Variants in VARS1 observed in about 807,000 individuals in gnomAD.
The protein encoded by VARS1 is valyl-tRNA synthetase 1, also known as valine--tRNA ligase.
Under a neutral mutation model 161.0 loss-of-function variants are expected in VARS1, and 92 were observed. The observed-to-expected ratio is 0.57, with a 90% CI of 0.48 to 0.68. The LOEUF is 0.68. Among genes scored for constraint, VARS1 ranks in the 30% least tolerant of loss-of-function variants. VARS1 has a pLI of 0.00. For missense variants in VARS1, 1,338 were observed against 1,695.9 expected, an observed-to-expected ratio of 0.79 and a Z score of 3.71; for synonymous variants, 595 against 682.5, an observed-to-expected ratio of 0.87 and a Z score of 2.00.
At chr6:31,787,834 C>T (rs1210730626) in intron 8 of VARS1, among the ~76,000 whole-genome samples, 6 of 151,020 alleles carry the variant, frequency 4.0e-5, no homozygotes, top group South Asian at 2.1e-4. Context: ...AATTGAAAAA[C>T]AGGGCCGGGC....
Position 31,793,051 on chromosome 6 carries a change from C to A in VARS1, c.457G>T (p.Ala153Ser), listed in dbSNP as rs1302004923. 1.2e-6 allele frequency: 2 copies of A among 1,613,044 alleles called. No individual in the cohort carries two copies. Among genetic ancestry groups the A allele is most frequent in the East Asian group, 4.5e-5 (2 of 44,866 alleles). ...EEWLRLHTYL[A>S]GEAPTLADLA... ...TCAGCCAGAGTGGGGGCCTCCCCGG[C>A]CAAGTAGGTGTGCAGCCGAAGCCAC... Residue 153 changes from alanine to serine, a missense_variant, in exon 3 of 30, where the codon GCC (alanine) becomes TCC (serine). Coordinates refer to ENST00000375663, the MANE Select transcript of VARS1 (RefSeq NM_006295.3).
rs777369063 is a variant in VARS1, at chr6:31,785,293, GCTT to G, written c.1297_1299del (p.Lys433del). ...CGATCCCAGTCCAAGGAGCTGCCAA[GCTT>G]CTTCAACTGGTGGTAAATCCGGTCA... On this transcript the variant is annotated inframe_deletion, in exon 10 of 30. Transcript: ENST00000375663. The surrounding 1 kb of genome is among the most constrained non-coding windows in gnomAD (Gnocchi z 6.1). The G allele has an allele frequency of 1.9e-6, 3 of 1,612,980 alleles. No homozygotes were observed. The highest frequency in any genetic ancestry group is 2.5e-6 in the Non-Finnish European group (3 of 1,180,040).
chr6:31,792,340 C>T, intron 5 of VARS1, 39 bp from the exon 6 acceptor site: 2 of 1,613,934 alleles, frequency 1.2e-6, no homozygotes, highest in Non-Finnish European at 1.7e-6. Flanking sequence ...AGGCATCAGC[C>T]AACCCATCAC....
chr6:31,791,952 G>A lies in VARS1; in HGVS notation c.891C>T (p.Pro297=), dbSNP rs577647216. ...GEKKDVSGPM[P]DSYSPRYVEA... Reference sequence around the variant, plus strand: ...CCACATACCGAGGGCTGTAGGAGTCGGGCATGGGGCCACTGACATCTGGGG... The same window carrying A: ...CCACATACCGAGGGCTGTAGGAGTCAGGCATGGGGCCACTGACATCTGGGG... The change falls in exon 7 of 30, where the codon CCC becomes CCT. Residue 297 remains proline, a synonymous_variant. Coordinates refer to ENST00000375663, the MANE Select transcript of VARS1 (RefSeq NM_006295.3). This position sits in a 1 kb window ranked among gnomAD's most constrained non-coding sequence, Gnocchi z 5.0. 1.4e-5 allele frequency: 22 copies of A among 1,595,972 alleles called. No individual in the cohort carries two copies. The Admixed American group carries it at 2.4e-4, about 17-fold the overall frequency.
Position 31,779,276 on chromosome 6 carries a change from C to G in VARS1, c.3417G>C (p.Ala1139=). ...RIRPDCFLEV[A]DEATGALASA... is the part of the protein sequence containing the mutation. ...ATGCCAGGGCGCCCGTGGCCTCATC[C>G]GCCACTTCCAGGAAACCTGCCAGGG... Residue 1139 remains alanine, a synonymous_variant, in exon 29 of 30, where the codon GCG becomes GCC. Coordinates refer to ENST00000375663, the MANE Select transcript of VARS1 (RefSeq NM_006295.3). This position sits in a 1 kb window ranked among gnomAD's most constrained non-coding sequence, Gnocchi z 9.1. The G allele has an allele frequency of 6.2e-7, 1 of 1,603,170 alleles. No homozygotes were observed. The highest frequency in any genetic ancestry group is 8.5e-7 in the Non-Finnish European group (1 of 1,179,618).
At chr6:31,793,286 G>A (rs9469054) in intron 2 of VARS1, among the ~76,000 whole-genome samples, 166 bp from the exon 3 acceptor site, 5,417 of 152,138 alleles carry the variant, frequency 0.036, 148 homozygotes, top group East Asian at 0.11. Context: ...GGCGGATCAC[G>A]AGGTCAGGAG....
Position 31,777,580 on chromosome 6 carries a change from A to C in VARS1, c.*14T>G, listed in dbSNP as rs1403523858. 1.2e-6 allele frequency: 2 copies of C among 1,613,922 alleles called. No individual in the cohort carries two copies. The highest frequency in any genetic ancestry group is 1.7e-6 in the Non-Finnish European group (2 of 1,179,976). Reference sequence around the variant, plus strand: ...GTGAGCCGCTGGGGGTGAGGGGTGAAGCTGGGTGGTGGATCACAGCATCTT... The same window carrying C: ...GTGAGCCGCTGGGGGTGAGGGGTGACGCTGGGTGGTGGATCACAGCATCTT... On this transcript the variant is annotated 3_prime_UTR_variant, in exon 30 of 30. Transcript: ENST00000375663. This position sits in a 1 kb window ranked among gnomAD's most constrained non-coding sequence, Gnocchi z 5.8.
Position 31,785,491 on chromosome 6 carries a change from G to C in VARS1, c.1265+78C>G. On this transcript the variant is annotated intron_variant, in intron 9 of 29. Transcript: ENST00000375663. This position sits in a 1 kb window ranked among gnomAD's most constrained non-coding sequence, Gnocchi z 6.1. ...GAGGGTCTGACCCTGTGGCCAAGGG[G>C]TTACAGGTGACAGAGGTCTTCTGGA... 6.5e-7 allele frequency: 1 copy of C among 1,527,380 alleles called. No individual in the cohort carries two copies. The highest frequency in any genetic ancestry group is 1.4e-5 in the African/African-American group (1 of 73,296). 94.6% of individuals were successfully genotyped at this position (1,527,380 alleles called of 1,614,324 possible).
At chr6:31,794,685 A>G in intron 2 of VARS1, 146 bp downstream of exon 2, 1 of 1,171,860 alleles carries the variant, frequency 8.5e-7, no homozygotes, top group Non-Finnish European at 1.2e-6. Context: ...AAACGTGCCC[A>G]GGGTTACCAT....
chr6:31,791,955 C>A lies in VARS1; in HGVS notation c.888G>T (p.Met296Ile). The change falls in exon 7 of 30, where the codon ATG becomes ATT. Residue 296 changes from methionine (M) to isoleucine (I), a missense_variant. Around this residue, in one of 3 missense-constraint regions of VARS1, gnomAD observed 902 missense variants for 1,090.3 expected, o/e 0.83. Coordinates refer to ENST00000375663, the MANE Select transcript of VARS1 (RefSeq NM_006295.3). The surrounding 1 kb of genome is among the most constrained non-coding windows in gnomAD (Gnocchi z 5.0). ...PGEKKDVSGP[M>I]PDSYSPRYVE... ...CATACCGAGGGCTGTAGGAGTCGGG[C>A]ATGGGGCCACTGACATCTGGGGGAG... 6.3e-7 allele frequency: 1 copy of A among 1,595,224 alleles called. No homozygotes were observed. The highest frequency in any genetic ancestry group is 8.5e-7 in the Non-Finnish European group (1 of 1,169,590).
In VARS1 at chr6:31,792,808, G is replaced by C. The variant is rs1581661483; in HGVS notation, c.610C>G (p.Leu204Val). The C allele has an allele frequency of 6.2e-7, 1 of 1,614,206 alleles. No individual in the cohort carries two copies. The highest frequency in any genetic ancestry group is 8.5e-7 in the Non-Finnish European group (1 of 1,180,042). ...CCTGAGTATAGAACCACTTCTCCTA[G>C]CACGGCTCGGAATTCTGGCTGCCGG... ...CVRQPEFRAV[L>V]GEVVLYSGAR... Residue 204 changes from leucine to valine, a missense_variant, in exon 4 of 30, where the codon CTA becomes GTA. This residue lies in a region of VARS1 where 902 missense variants were observed against 1,090.3 expected (regional missense o/e 0.83). Transcript: ENST00000375663.
Position 31,785,267 on chromosome 6 carries a change from T to C in VARS1, c.1326A>G (p.Arg442=), listed in dbSNP as rs2151424918. ...KKLGSSLDWD[R]ACFTMDPKLS... The stretch of plus-strand genomic sequence containing the variant: ...GCACAGGGTCCATGGTGAAACAGGC[T>C]CGATCCCAGTCCAAGGAGCTGCCAA... The change falls in exon 10 of 30, where the codon CGA becomes CGG. Residue 442 remains arginine (R), a synonymous_variant. Coordinates refer to ENST00000375663, the MANE Select transcript of VARS1 (RefSeq NM_006295.3). This position sits in a 1 kb window ranked among gnomAD's most constrained non-coding sequence, Gnocchi z 6.1. The C allele has an allele frequency of 6.2e-7, 1 of 1,613,024 alleles. No individual in the cohort carries two copies. Among genetic ancestry groups the C allele is most frequent in the East Asian group, 2.2e-5 (1 of 44,876 alleles).
intron 13 of VARS1, 61 bp from the exon 14 acceptor site, chr6:31,783,247 G>T: frequency 6.4e-7 from 1 of 1,554,702 alleles, no homozygotes; most frequent in Non-Finnish European, 8.8e-7. Flanking sequence ...ATTCCCACCT[G>T]TAATCCCAGA....
Position 31,780,063 on chromosome 6 carries a change from C to T in VARS1, c.3016G>A (p.Asp1006Asn), listed in dbSNP as rs774097471. ...TGGGCAGTGGTGACGGCCGGGAAGT[C>T]GTAGGCCTGGAAGCCTTGATTGCTG... ...RLSNQGFQAY[D>N]FPAVTTAQYS... The change falls in exon 26 of 30, where the codon GAC (aspartate) becomes AAC (asparagine). Residue 1006 changes from aspartate to asparagine, a missense_variant. Physicochemically the swap from Asp to Asn is conservative, Grantham distance 23. Coordinates refer to ENST00000375663, the MANE Select transcript of VARS1 (RefSeq NM_006295.3). The surrounding 1 kb of genome is among the most constrained non-coding windows in gnomAD (Gnocchi z 5.1). 18 of 1,613,986 alleles carry T rather than the reference C, an allele frequency of 1.1e-5. No homozygotes were observed. The African/African-American group carries it at 1.7e-4, about 16-fold the overall frequency.
In VARS1 at chr6:31,777,729, C is replaced by A; in HGVS notation, c.3727-67G>T. ...TGAAGAGACCCCCAAACACCCAGGA[C>A]AACAAAGTTGGAAAGATGAGCGAGG... On this transcript the variant is annotated intron_variant, in intron 29 of 29. Transcript: ENST00000375663. This position sits in a 1 kb window ranked among gnomAD's most constrained non-coding sequence, Gnocchi z 5.8. 2 of 1,562,390 alleles carry A rather than the reference C, an allele frequency of 1.3e-6. No individual in the cohort carries two copies. Among genetic ancestry groups the A allele is most frequent in the East Asian group, 4.7e-5 (2 of 42,570 alleles).
intron 13 of VARS1, among the ~76,000 whole-genome samples, chr6:31,783,953 GC>G (rs1439763630): frequency 6.6e-6 from 1 of 152,160 alleles, no homozygotes; most frequent in African/African-American, 2.4e-5. Flanking sequence ...GAGCCACCGT[GC>G]CTGGCTATTT....
At position 31,792,422 on chromosome 6, in the gene VARS1, C is replaced by T; in HGVS notation, c.756G>A (p.Lys252=). ...CTGGAGGTGGCTGCTGCTGTTGGAT[C>T]TTCTGCTTCTGTTGGAATTTCTCTA... ...EKLEKFQQKQ[K]IQQQQPPPGE... Residue 252 remains lysine (K), a synonymous_variant, in exon 5 of 30, where the codon AAG becomes AAA. Transcript: ENST00000375663. 6.2e-7 allele frequency: 1 copy of T among 1,614,006 alleles called. No individual in the cohort carries two copies. The highest frequency in any genetic ancestry group is 8.5e-7 in the Non-Finnish European group (1 of 1,180,008).
At position 31,785,802 on chromosome 6, in the gene VARS1, G is replaced by A. The variant is rs911170816; in HGVS notation, c.1101-69C>T. On this transcript the variant is annotated intron_variant, in intron 8 of 29. Coordinates refer to ENST00000375663, the MANE Select transcript of VARS1 (RefSeq NM_006295.3). This position sits in a 1 kb window ranked among gnomAD's most constrained non-coding sequence, Gnocchi z 6.1. ...GGGCCTGGCACCAAAGAAAGCAGAG[G>A]CTTCAGGCAAGGAGTCAGTGGACTA... 59 of 1,526,130 alleles carry A rather than the reference G, an allele frequency of 3.9e-5. No individual in the cohort carries two copies. Among genetic ancestry groups the A allele is most frequent in the Non-Finnish European group, 4.5e-5 (52 of 1,146,672 alleles). The allele number at this position is 1,526,130 out of a possible 1,614,324, so 94.5% of individuals were successfully genotyped here. A position where few individuals can be genotyped will look rare whatever the true frequency, so the allele number is the denominator to read the frequency against.
rs1372489794 is a variant in VARS1, at chr6:31,781,619, C to G, written c.2419-13G>C. On this transcript the variant is annotated splice_polypyrimidine_tract_variant and intron_variant, in intron 20 of 29. Transcript: ENST00000375663. This position sits in a 1 kb window ranked among gnomAD's most constrained non-coding sequence, Gnocchi z 6.8. ...TCAGGTCTTCTGACTGAGGGCAGAC[C>G]AGGGTGTGAAGGGGAGCCAACACCC... is the stretch of plus-strand genomic sequence containing the variant. 6.2e-7 allele frequency: 1 copy of G among 1,612,850 alleles called. No individual in the cohort carries two copies. The highest frequency in any genetic ancestry group is 1.3e-5 in the African/African-American group (1 of 74,902).
Sources: allele counts gnomAD v4.1 joint callset (sites outside exome capture counted in the v4.1 genomes callset), GRCh38; gene constraint gnomAD v4.1.1; regional missense constraint gnomAD v4.1.1; non-coding constraint Gnocchi (gnomAD v3.1); transcripts MANE v1.5; gene names NCBI Gene and HGNC (gene_info 2026-07-23, HGNC 2026-07-21).